TDRP: variants seen among roughly 807,000 people sequenced by gnomAD.
TDRP encodes testis development-related protein.
A neutral mutation model predicts 10.5 loss-of-function variants in TDRP; 12 were observed. The observed-to-expected ratio is 1.15, with a 90% confidence interval of 0.73 to 1.86. The LOEUF (loss-of-function observed/expected upper bound fraction) is 1.86, where lower values mean the gene tolerates loss of function less well. Ranked by LOEUF, TDRP falls within the 40% of genes most tolerant of loss-of-function variation. The pLI, the probability that TDRP is intolerant of heterozygous loss-of-function variation, is 0.00. For synonymous variants in TDRP, 139 were observed against 95.4 expected (o/e 1.46, Z -2.67); for missense variants, 353 against 229.2 (o/e 1.54, Z -3.49).
chr8:515,976 AG>A (rs574941836), intron 1 of TDRP, among the ~76,000 whole-genome samples: 23 of 152,364 alleles, frequency 1.5e-4, no homozygotes, highest in African/African-American at 5.5e-4. Context: ...GCCATTCACA[AG>A]AACCATAGTT....
At position 518,737 on chromosome 8, in the gene TDRP, T is replaced by G. The variant is rs1476005810; in HGVS notation, c.109-24140A>C. ...AGCCTTAGGGCAAATGAAAAAAAAT[T>G]GGAAAAGTAAATAGATTCCACCATT... On this transcript the variant is annotated intron_variant, in intron 1 of 2. Coordinates refer to ENST00000324079, the MANE Select transcript of TDRP (RefSeq NM_001384899.1). Among the ~76,000 whole-genome samples the G allele has an allele frequency of 2.7e-5, 4 of 148,574 alleles. No individual in the cohort carries two copies. In the South Asian group the frequency reaches 6.5e-4, roughly 24 times the overall value.
intron 1 of TDRP, among the ~76,000 whole-genome samples, chr8:515,174 T>C (rs1362870109): frequency 6.6e-6 from 1 of 152,134 alleles, no homozygotes; most frequent in African/African-American, 2.4e-5. Context: ...CAGCCAGAGA[T>C]CCAAGTACAA....
chr8:510,298 C>G (rs557346373), intron 1 of TDRP, among the ~76,000 whole-genome samples: 1 of 152,222 alleles, frequency 6.6e-6, no homozygotes, highest in South Asian at 2.1e-4. Flanking sequence ...TTCTGGTAAC[C>G]ACCCCCCATC....
intron 1 of TDRP, among the ~76,000 whole-genome samples, chr8:508,274 G>T (rs1273446160): frequency 1.3e-5 from 2 of 152,114 alleles, no homozygotes; most frequent in Non-Finnish European, 2.9e-5. Context: ...ATTTAGAGAA[G>T]AAAAAATTAA....
chr8:506,319 G>A (rs188199422), intron 1 of TDRP, among the ~76,000 whole-genome samples: 1 of 152,164 alleles, frequency 6.6e-6, no homozygotes, highest in Non-Finnish European at 1.5e-5. Flanking sequence ...TCGGCAGCGG[G>A]GGGAGGGGAG....
intron 1 of TDRP, among the ~76,000 whole-genome samples, chr8:534,373 A>G (rs886956485): frequency 6.6e-6 from 1 of 152,240 alleles, no homozygotes; most frequent in East Asian, 1.9e-4. Context: ...ACAACTTTTC[A>G]TCAACAATGT....
intron 1 of TDRP, among the ~76,000 whole-genome samples, chr8:495,694 A>G (rs1184221634): frequency 1.3e-5 from 2 of 152,200 alleles, no homozygotes; most frequent in African/African-American, 4.8e-5. Context: ...AAAATATAAT[A>G]CAAAAATAAA....
chr8:541,011 GAATTT>G (rs1203327786), intron 1 of TDRP, among the ~76,000 whole-genome samples: 3 of 152,152 alleles, frequency 2.0e-5, no homozygotes, highest in Non-Finnish European at 4.4e-5. Flanking sequence ...ACATGACAGT[GAATTT>G]AACAGATTCA....
chr8:512,621 C>T (rs1411588441), intron 1 of TDRP, among the ~76,000 whole-genome samples: 1 of 150,566 alleles, frequency 6.6e-6, no homozygotes, highest in African/African-American at 2.4e-5. Context: ...CAGATTCCCA[C>T]AAAGACACAA....
At position 525,551 on chromosome 8, in the gene TDRP, G is replaced by C. The variant is rs570420193; in HGVS notation, c.108+19099C>G. 3.5e-4 allele frequency among the ~76,000 whole-genome samples: 54 copies of C among 152,204 alleles called. 2 individuals carry two copies. The South Asian group carries it at 0.011, about 30-fold the overall frequency. On this transcript the variant is annotated intron_variant, in intron 1 of 2. Coordinates refer to ENST00000324079, the MANE Select transcript of TDRP (RefSeq NM_001384899.1). ...GGAAACAACAAAGAGAAATCAGGGG[G>C]ATGAAGTGGAACTGTAGAGTTTTTA...
chr8:533,401 T>G (rs1337016791), intron 1 of TDRP, among the ~76,000 whole-genome samples: 1 of 152,094 alleles, frequency 6.6e-6, no homozygotes, highest in Non-Finnish European at 1.5e-5. Flanking sequence ...GCTCAAAACT[T>G]TCACCTGCAG....
At chr8:527,614 G>A (rs766609065) in intron 1 of TDRP, among the ~76,000 whole-genome samples, 19 of 152,092 alleles carry the variant, frequency 1.2e-4, no homozygotes, top group Non-Finnish European at 2.1e-4. Flanking sequence ...CATCTACAGT[G>A]AAGTCATTTT....
intron 1 of TDRP, among the ~76,000 whole-genome samples, chr8:512,188 G>T (rs761599381): frequency 5.6e-4 from 85 of 152,038 alleles, no homozygotes; most frequent in Admixed American, 3.9e-3. Context: ...CAAATTGGAA[G>T]GCCACAGCAG....
rs546921127 is a variant in TDRP, at chr8:492,217, C to T, written c.*182G>A. 2.7e-5 allele frequency: 34 copies of T among 1,282,810 alleles called. No individual in the cohort carries two copies. Among genetic ancestry groups the T allele is most frequent in the Admixed American group, 1.5e-4 (4 of 26,738 alleles). The allele number at this position is 1,282,810 out of a possible 1,614,324, so 79.5% of individuals were successfully genotyped here. A position where few individuals can be genotyped will look rare whatever the true frequency, so the allele number is the denominator to read the frequency against. The stretch of plus-strand genomic sequence containing the variant: ...GGCAATCAAATGTACAATCCCTGCA[C>T]GTGTTCACCAAGGAGTCACAGTGTG... On this transcript the variant is annotated 3_prime_UTR_variant, in exon 3 of 3. Transcript: ENST00000324079.
At chr8:533,015 G>C (rs970595659) in intron 1 of TDRP, among the ~76,000 whole-genome samples, 4 of 152,116 alleles carry the variant, frequency 2.6e-5, no homozygotes, top group Non-Finnish European at 5.9e-5. Context: ...CTGGAGAGAG[G>C]AACTCATTTG....
intron 2 of TDRP, among the ~76,000 whole-genome samples, chr8:494,130 A>ATTT (rs36052358): frequency 1.3e-4 from 19 of 143,962 alleles, no homozygotes; most frequent in African/African-American, 4.7e-4. Flanking sequence ...CTAATTTCTG[A>ATTT]TTTTTTTTTT....
intron 1 of TDRP, among the ~76,000 whole-genome samples, chr8:531,250 T>G (rs1802187759): frequency 6.6e-6 from 1 of 152,138 alleles, no homozygotes. Context: ...TAAACTGGTT[T>G]CTGTAATTCT....
intron 1 of TDRP, among the ~76,000 whole-genome samples, chr8:517,299 C>G (rs1217291068): frequency 1.3e-5 from 2 of 152,138 alleles, no homozygotes; most frequent in African/African-American, 4.8e-5. Flanking sequence ...ATGGCCCTGC[C>G]CAGCTGTCTC....
intron 1 of TDRP, among the ~76,000 whole-genome samples, chr8:536,697 T>C (rs180697556): frequency 1.2e-4 from 18 of 152,310 alleles, no homozygotes; most frequent in Non-Finnish European, 1.9e-4. Flanking sequence ...ATTTTAAATA[T>C]TGAATTAAAA....
Sources: gnomAD v4.1 joint callset for allele counts (sites outside exome capture counted in the v4.1 genomes callset) on GRCh38, gnomAD v4.1.1 for gene constraint, MANE v1.5 for transcripts, NCBI Gene and HGNC (gene_info 2026-07-23, HGNC 2026-07-21) for gene names.